MAU2: variants seen among roughly 807,000 people sequenced by gnomAD.
The protein encoded by MAU2 is MAU2 chromatid cohesion factor homolog.
A neutral mutation model predicts 89.1 loss-of-function variants in MAU2; 9 were observed. The observed-to-expected ratio is 0.10, with a 90% CI of 0.06 to 0.18. MAU2 has a LOEUF of 0.18. Among genes scored for constraint, MAU2 ranks in the 10% least tolerant of loss-of-function variants. The pLI is 1.00. For missense variants in MAU2, 425 were observed against 803.5 expected (o/e 0.53, Z 5.69); for synonymous variants, 357 against 343.4 (o/e 1.04, Z -0.44).
At chr19:19,344,949 C>T in intron 11 of MAU2, 23 bp downstream of exon 11, 1 of 1,607,950 alleles carries the variant, frequency 6.2e-7, no homozygotes. Flanking sequence ...GTGACAACAC[C>T]CCGGGAGAAT....
At chr19:19,334,887 G>C (rs1463368217) in intron 1 of MAU2, among the ~76,000 whole-genome samples, 1 of 152,240 alleles carries the variant, frequency 6.6e-6, no homozygotes, top group African/African-American at 2.4e-5. Flanking sequence ...AGGGTCTCCT[G>C]CTGTGCTCCG....
intron 9 of MAU2, among the ~76,000 whole-genome samples, chr19:19,343,496 C>G (rs1292820061): frequency 6.6e-6 from 1 of 150,698 alleles, no homozygotes; most frequent in Non-Finnish European, 1.5e-5. Flanking sequence ...CTGCCTGAGG[C>G]TCTGCTGCAT....
intron 5 of MAU2, among the ~76,000 whole-genome samples, chr19:19,340,164 C>CAAAAAA (rs1253222446): frequency 1.2e-5 from 1 of 83,980 alleles, no homozygotes; most frequent in Non-Finnish European, 2.4e-5. Context: ...GACTCCATCT[C>CAAAAAA]AAAAAAAAAA....
Position 19,345,229 on chromosome 19 carries a change from CG to C in MAU2, c.1156-72del. 1 of 1,357,158 alleles carries C rather than the reference CG, an allele frequency of 7.4e-7. No individual in the cohort carries two copies. The highest frequency in any genetic ancestry group is 1.2e-5 in the South Asian group (1 of 85,576). 84.1% of individuals were successfully genotyped at this position (1,357,158 alleles called of 1,614,324 possible). ...TCCTCCAGGGCAGCCGTGCAGGCCC[CG>C]GGCACACCACGTGTCTCTGATCTGA... is the stretch of plus-strand genomic sequence containing the variant. On this transcript the variant is annotated intron_variant, in intron 11 of 18. Transcript: ENST00000262815. This position sits in a 1 kb window ranked among gnomAD's most constrained non-coding sequence, Gnocchi z 4.9.
intron 17 of MAU2, chr19:19,355,029 C>T (rs749688241): frequency 3.5e-5 from 17 of 488,072 alleles, no homozygotes; most frequent in Non-Finnish European, 5.5e-5. Flanking sequence ...GGAGGGCTGG[C>T]GAGAAGCCTG....
chr19:19,346,362 T>A (rs1324094355), intron 12 of MAU2, among the ~76,000 whole-genome samples: 1 of 152,016 alleles, frequency 6.6e-6, no homozygotes, highest in Non-Finnish European at 1.5e-5. Context: ...CTGGTTTGGT[T>A]CCGCGTCAAA....
At chr19:19,346,252 C>G (rs2061692192) in intron 12 of MAU2, among the ~76,000 whole-genome samples, 1 of 152,146 alleles carries the variant, frequency 6.6e-6, no homozygotes, top group Non-Finnish European at 1.5e-5. Flanking sequence ...CTCCCAGGAC[C>G]CTGGCTCACT....
intron 16 of MAU2, among the ~76,000 whole-genome samples, chr19:19,351,548 C>G (rs2061744861): frequency 6.6e-6 from 1 of 151,736 alleles, no homozygotes; most frequent in African/African-American, 2.4e-5. Context: ...GGTGTGTGGA[C>G]TCATGCTTGT....
In MAU2 at chr19:19,355,409, A is replaced by G. The variant is rs756261193; in HGVS notation, c.1767+18A>G. 3.1e-6 allele frequency: 5 copies of G among 1,613,344 alleles called. No individual in the cohort carries two copies. The highest frequency in any genetic ancestry group is 4.2e-6 in the Non-Finnish European group (5 of 1,179,854). ...TCATCACGGTACGGGTGTGGGTGTTAGGGGACGGGATCAGGACTAGCGGGC... is the reference window on the plus strand; with the variant it reads ...TCATCACGGTACGGGTGTGGGTGTTGGGGGACGGGATCAGGACTAGCGGGC... On this transcript the variant is annotated intron_variant, in intron 18 of 18. Coordinates refer to ENST00000262815, the MANE Select transcript of MAU2 (RefSeq NM_015329.4).
In MAU2 at chr19:19,357,339, A is replaced by G. The variant is rs2048191099; in HGVS notation, c.*1557A>G. ...GCTACCCAGGGCTGCCCCCAGGCCC[A>G]TGAAGCCAATAGGAGAGCGTGTGGC... On this transcript the variant is annotated 3_prime_UTR_variant, in exon 19 of 19. Coordinates refer to ENST00000262815, the MANE Select transcript of MAU2 (RefSeq NM_015329.4). The G allele has an allele frequency of 6.6e-6, 1 of 152,324 alleles. No homozygotes were observed. The highest frequency in any genetic ancestry group is 1.5e-5 in the Non-Finnish European group (1 of 68,214). 9.4% of individuals were successfully genotyped at this position (152,324 alleles called of 1,614,324 possible). A position where few individuals can be genotyped will look rare whatever the true frequency, so the allele number is the denominator to read the frequency against.
At chr19:19,349,508 A>G in intron 16 of MAU2, 72 bp downstream of exon 16, 2 of 1,329,126 alleles carry the variant, frequency 1.5e-6, no homozygotes. Flanking sequence ...GCCGGCCAGC[A>G]CCCTAAGGGT....
intron 4 of MAU2, 125 bp from the exon 5 acceptor site, chr19:19,338,720 A>G (rs2146680468): frequency 1.5e-6 from 1 of 667,654 alleles, no homozygotes; most frequent in Non-Finnish European, 2.6e-6. Flanking sequence ...ATTTAGCTCA[A>G]AACTGACACA....
intron 16 of MAU2, 152 bp downstream of exon 16, chr19:19,349,588 G>A (rs905616400): frequency 1.5e-6 from 1 of 681,696 alleles, no homozygotes; most frequent in Admixed American, 2.5e-5. Flanking sequence ...CCCACAGCCT[G>A]GGCAGGCAGG....
chr19:19,337,138 TTA>T, intron 3 of MAU2, 30 bp from the exon 4 acceptor site: 2 of 1,457,900 alleles, frequency 1.4e-6, no homozygotes, highest in Non-Finnish European at 1.9e-6. Context: ...TTTTTTTTTC[TTA>T]CATTCCCAAA....
At position 19,358,079 on chromosome 19, in the gene MAU2, C is replaced by CAAAAAA. The variant is rs113101419; in HGVS notation, c.*2309_*2314dup. ...CCTGGGTGACGGTGAGACTTTGTCTCAAAAAAAAAAAAAAAAACAATGGAA... is the reference window on the plus strand; with the variant it reads ...CCTGGGTGACGGTGAGACTTTGTCTCAAAAAAAAAAAAAAAAAAAAAAACAATGGAA... On this transcript the variant is annotated 3_prime_UTR_variant, in exon 19 of 19. Coordinates refer to ENST00000262815, the MANE Select transcript of MAU2 (RefSeq NM_015329.4). 1 of 64,554 alleles carries CAAAAAA rather than the reference C, an allele frequency of 1.5e-5. No homozygotes were observed. Among genetic ancestry groups the CAAAAAA allele is most frequent in the Non-Finnish European group, 3.1e-5 (1 of 31,910 alleles). The allele number at this position is 64,554 out of a possible 1,614,324, so 4.0% of individuals were successfully genotyped here.
At chr19:19,329,577 A>T (rs2061538434) in intron 1 of MAU2, among the ~76,000 whole-genome samples, 1 of 152,154 alleles carries the variant, frequency 6.6e-6, no homozygotes, top group African/African-American at 2.4e-5. Context: ...ACTGCAGGAG[A>T]ATGTGCTTAG....
At chr19:19,346,935 C>T (rs2061697921) in intron 12 of MAU2, 1 of 241,326 alleles carries the variant, frequency 4.1e-6, no homozygotes, top group Non-Finnish European at 8.1e-6. Flanking sequence ...CACCTGGGTC[C>T]CACAGGTTGC....
At chr19:19,354,528 C>A in intron 17 of MAU2, 83 bp downstream of exon 17, 2 of 1,286,258 alleles carry the variant, frequency 1.6e-6, no homozygotes, top group Non-Finnish European at 2.2e-6. Flanking sequence ...TCCTGCTCAG[C>A]CTTAGCTCGG....
intron 16 of MAU2, chr19:19,352,715 G>A (rs888392401): frequency 2.0e-5 from 3 of 152,262 alleles, no homozygotes; most frequent in African/African-American, 7.2e-5. Context: ...GGCAAGGAGG[G>A]TTGAGCAGCT....
Sources: allele counts gnomAD v4.1 joint callset (sites outside exome capture counted in the v4.1 genomes callset), GRCh38; gene constraint gnomAD v4.1.1; non-coding constraint Gnocchi (gnomAD v3.1); transcripts MANE v1.5; gene names NCBI Gene and HGNC (gene_info 2026-07-23, HGNC 2026-07-21).